LRP1: variants seen among roughly 807,000 people sequenced by gnomAD.
The protein encoded by LRP1 is prolow-density lipoprotein receptor-related protein 1.
LRP1 carries 51 observed loss-of-function variants against 541.5 expected under a neutral mutation model. The ratio of observed to expected loss-of-function variants is 0.09; its 90% CI spans 0.08 to 0.12. The LOEUF is 0.12. Ranked by LOEUF, LRP1 falls within the 10% of genes least tolerant of loss-of-function variation. The probability of loss-of-function intolerance (pLI) is 1.00; values close to 1 mark genes in which losing one functional copy is unlikely to be tolerated. For missense variants in LRP1, 3,878 were observed against 6,376.2 expected (o/e 0.61, Z 13.34); for synonymous variants, 2,219 against 2,470.8 (o/e 0.90, Z 3.02).
At chr12:57,161,634 CTT>C (rs2136682077) in intron 13 of LRP1, among the ~76,000 whole-genome samples, 1 of 152,274 alleles carries the variant, frequency 6.6e-6, no homozygotes, top group East Asian at 1.9e-4. Flanking sequence ...TCCCAACACT[CTT>C]TGAACAAGCA....
intron 42 of LRP1, among the ~76,000 whole-genome samples, chr12:57,188,794 G>A (rs1229936438): frequency 6.6e-6 from 1 of 152,206 alleles, no homozygotes; most frequent in Non-Finnish European, 1.5e-5. Context: ...TGTGTGCTGA[G>A]GACTGGCCCC....
At chr12:57,202,980 G>A in intron 68 of LRP1, 1 of 581,914 alleles carries the variant, frequency 1.7e-6, no homozygotes, top group Non-Finnish European at 3.1e-6. Context: ...CTGTCCCATG[G>A]GGTAAGTGCG....
chr12:57,128,876 G>A lies in LRP1; in HGVS notation c.-89G>A. 1.7e-6 allele frequency: 2 copies of A among 1,193,128 alleles called. No homozygotes were observed. The allele number at this position is 1,193,128 out of a possible 1,614,324, so 73.9% of individuals were successfully genotyped here. On this transcript the variant is annotated 5_prime_UTR_variant, in exon 1 of 89. Coordinates refer to ENST00000243077, the MANE Select transcript of LRP1 (RefSeq NM_002332.3). ...CAGAGAAGGAGGAGGGGGAAAGGAGGAAAAGGGGGACCCCCCAACTGGGGG... is the reference window on the plus strand; with the variant it reads ...CAGAGAAGGAGGAGGGGGAAAGGAGAAAAAGGGGGACCCCCCAACTGGGGG...
At chr12:57,187,197 T>C in intron 41 of LRP1, 70 bp from the exon 42 acceptor site, 1 of 1,500,678 alleles carries the variant, frequency 6.7e-7, no homozygotes. Flanking sequence ...CCCCAGGCTG[T>C]CCCCCACGGC....
rs777235449 is a variant in LRP1, at chr12:57,185,504, T to C, written c.6464-27T>C. On this transcript the variant is annotated intron_variant, in intron 40 of 88. Transcript: ENST00000243077. The surrounding 1 kb of genome is among the most constrained non-coding windows in gnomAD (Gnocchi z 4.9). Reference sequence around the variant, plus strand: ...AGTGAGCCTTTCCCAAGGCAGGCCCTGCCCTCTGTACCCTCCCCTCCCCCA... The same window carrying C: ...AGTGAGCCTTTCCCAAGGCAGGCCCCGCCCTCTGTACCCTCCCCTCCCCCA... The C allele has an allele frequency of 5.1e-5, 80 of 1,553,664 alleles. 1 individual carries two copies. The South Asian group carries it at 9.4e-4, about 18-fold the overall frequency.
At chr12:57,129,311 A>G (rs2034988082) in intron 1 of LRP1, among the ~76,000 whole-genome samples, 1 of 151,770 alleles carries the variant, frequency 6.6e-6, no homozygotes, top group South Asian at 2.1e-4. Context: ...TGGGGAGGAG[A>G]GGCCTTCTTT....
In LRP1 at chr12:57,156,430, C is replaced by A; in HGVS notation, c.1417+147C>A. The stretch of plus-strand genomic sequence containing the variant: ...CGATTCTCCTAGCCAGCCACTCGGG[C>A]TACCTGCCCTGGCCCCTCAGCTTCC... On this transcript the variant is annotated intron_variant, in intron 9 of 88. Coordinates refer to ENST00000243077, the MANE Select transcript of LRP1 (RefSeq NM_002332.3). This position sits in a 1 kb window ranked among gnomAD's most constrained non-coding sequence, Gnocchi z 5.2. The A allele has an allele frequency of 2.3e-6, 2 of 865,560 alleles. No individual in the cohort carries two copies. Among genetic ancestry groups the A allele is most frequent in the Non-Finnish European group, 1.7e-6 (1 of 579,074 alleles). 53.6% of individuals were successfully genotyped at this position (865,560 alleles called of 1,614,324 possible). A position where few individuals can be genotyped will look rare whatever the true frequency, so the allele number is the denominator to read the frequency against.
In LRP1 at chr12:57,187,337, A is replaced by C; in HGVS notation, c.6912A>C (p.Thr2304=). The C allele has an allele frequency of 6.2e-7, 1 of 1,614,186 alleles. No homozygotes were observed. Among genetic ancestry groups the C allele is most frequent in the Non-Finnish European group, 8.5e-7 (1 of 1,180,030 alleles). ...CTCTCTATTGGACAAGCTACACGAC[A>C]TCCACCATCACGCGCCACACAGTGG... ...WDTLYWTSYT[T]STITRHTVDQ... Residue 2304 remains threonine (T), a synonymous_variant, in exon 42 of 89, where the codon ACA becomes ACC. Transcript: ENST00000243077.
chr12:57,195,275 C>G lies in LRP1; in HGVS notation c.8313C>G (p.Gly2771=), dbSNP rs1565746948. The change falls in exon 52 of 89, where the codon GGC becomes GGG. Residue 2771 remains glycine, a synonymous_variant. Coordinates refer to ENST00000243077, the MANE Select transcript of LRP1 (RefSeq NM_002332.3). ...DGSDEAAHCE[G]KTCGPSSFSC... ...TGGCCCTCTCTCCCCCTACAGAAGG[C>G]AAGACGTGCGGCCCCTCCTCCTTCT... 6.2e-7 allele frequency: 1 copy of G among 1,613,812 alleles called. No homozygotes were observed. The highest frequency in any genetic ancestry group is 1.7e-5 in the Admixed American group (1 of 60,022).
intron 1 of LRP1, among the ~76,000 whole-genome samples, chr12:57,131,202 A>C (rs995417895): frequency 6.6e-6 from 1 of 152,100 alleles, no homozygotes; most frequent in Non-Finnish European, 1.5e-5. Flanking sequence ...CTTTCTCTCC[A>C]GGGCAGCAAT....
At chr12:57,157,606 AT>A (rs1450968546) in intron 10 of LRP1, among the ~76,000 whole-genome samples, 1 of 152,246 alleles carries the variant, frequency 6.6e-6, no homozygotes, top group Non-Finnish European at 1.5e-5. Flanking sequence ...GCGAGACTTC[AT>A]CTCAAAAAAT....
chr12:57,178,666 A>G lies in LRP1; in HGVS notation c.4606+63A>G. The G allele has an allele frequency of 6.2e-7, 1 of 1,604,532 alleles. No individual in the cohort carries two copies. On this transcript the variant is annotated intron_variant, in intron 27 of 88. Coordinates refer to ENST00000243077, the MANE Select transcript of LRP1 (RefSeq NM_002332.3). This position sits in a 1 kb window ranked among gnomAD's most constrained non-coding sequence, Gnocchi z 5.8. ...CAGCAGCCTCTTTAGAAGCTGTAGA[A>G]GCTCTTAGGAGAGGAGAGGGCAGTG...
intron 6 of LRP1, among the ~76,000 whole-genome samples, chr12:57,148,808 C>T (rs758678004): frequency 6.6e-5 from 10 of 152,164 alleles, no homozygotes; most frequent in Non-Finnish European, 1.3e-4. Flanking sequence ...TCTCAGAGGT[C>T]TCAGGGTTCC....
At chr12:57,143,460 C>G (rs987664427) in intron 3 of LRP1, among the ~76,000 whole-genome samples, 3 of 152,238 alleles carry the variant, frequency 2.0e-5, no homozygotes, top group African/African-American at 7.2e-5. Flanking sequence ...TCTAAGCCAT[C>G]ACTGGCTGTG....
chr12:57,208,467 A>T (rs1045675747), intron 77 of LRP1: 3 of 595,388 alleles, frequency 5.0e-6, no homozygotes, highest in Admixed American at 3.0e-5. Flanking sequence ...GCACAGCCAC[A>T]CTCTGCCCTG....
At chr12:57,207,669 G>A (rs2036814461) in intron 76 of LRP1, among the ~76,000 whole-genome samples, 1 of 152,254 alleles carries the variant, frequency 6.6e-6, no homozygotes, top group African/African-American at 2.4e-5. Flanking sequence ...TCAGCAGCTG[G>A]CTGTGCTGCA....
chr12:57,200,826 G>GGGGGGGCCCCCCC lies in LRP1; in HGVS notation c.10225+11_10225+12insGGGGGGCCCCCCC. Reference sequence around the variant, plus strand: ...ACGAGGCCAACTGTGGTAAGGCGCTGCCCGCCCACCCTCCCTCCTTCCCCA... The same window carrying GGGGGGGCCCCCCC: ...ACGAGGCCAACTGTGGTAAGGCGCTGGGGGGGCCCCCCCCCCGCCCACCCTCCCTCCTTCCCCA... On this transcript the variant is annotated intron_variant, in intron 64 of 88. Coordinates refer to ENST00000243077, the MANE Select transcript of LRP1 (RefSeq NM_002332.3). The GGGGGGGCCCCCCC allele has an allele frequency of 5.1e-6, 8 of 1,581,372 alleles. No individual in the cohort carries two copies. The highest frequency in any genetic ancestry group is 6.9e-6 in the Non-Finnish European group (8 of 1,157,616).
chr12:57,172,153 G>A (rs1415807755), intron 20 of LRP1, among the ~76,000 whole-genome samples: 2 of 147,736 alleles, frequency 1.4e-5, no homozygotes, highest in Non-Finnish European at 3.0e-5. Context: ...TCTGCCTCCC[G>A]GGCAGCTGTG....
chr12:57,129,178 G>A, intron 1 of LRP1, 147 bp downstream of exon 1: 1 of 851,634 alleles, frequency 1.2e-6, no homozygotes. Flanking sequence ...CCGACTGGGG[G>A]CGGGGATGGG....
Sources: gnomAD v4.1 joint callset for allele counts (sites outside exome capture counted in the v4.1 genomes callset) on GRCh38, gnomAD v4.1.1 for gene constraint, Gnocchi (gnomAD v3.1) non-coding constraint, MANE v1.5 for transcripts, NCBI Gene and HGNC (gene_info 2026-07-23, HGNC 2026-07-21) for gene names.